The following KIAA1217 variants were observed in gnomAD, a reference collection of about 807,000 sequenced individuals.
KIAA1217 encodes the protein sickle tail protein homolog.
A neutral mutation model predicts 163.9 loss-of-function variants in KIAA1217; 88 were observed. The observed-to-expected ratio is 0.54, with a 90% CI of 0.45 to 0.64. The LOEUF is 0.64. KIAA1217 is among the 30% of genes least tolerant of loss of function. The pLI is 0.00. For missense variants in KIAA1217, 2,372 were observed against 2,475.0 expected, an observed-to-expected ratio of 0.96 and a Z score of 0.88; for synonymous variants, 903 against 923.1, an observed-to-expected ratio of 0.98 and a Z score of 0.39.
At chr10:24,252,361 T>C (rs2074651982) in intron 2 of KIAA1217, among the ~76,000 whole-genome samples, 1 of 152,118 alleles carries the variant, frequency 6.6e-6, no homozygotes, top group African/African-American at 2.4e-5. Flanking sequence ...GAGGATTGTT[T>C]GAGCCCAGGA....
At chr10:23,818,775 G>T (rs1289288475) in intron 1 of KIAA1217, among the ~76,000 whole-genome samples, 1 of 152,152 alleles carries the variant, frequency 6.6e-6, no homozygotes. Context: ...GGGGGAAAGG[G>T]TCAGCCACAC....
chr10:24,262,579 A>T (rs1329634282), intron 2 of KIAA1217, among the ~76,000 whole-genome samples: 1 of 151,786 alleles, frequency 6.6e-6, no homozygotes. Flanking sequence ...GTGAGCCCAG[A>T]TCACACAACT....
chr10:23,841,701 G>C (rs141076475), intron 1 of KIAA1217, among the ~76,000 whole-genome samples: 1,979 of 151,902 alleles, frequency 0.013, 61 homozygotes, highest in African/African-American at 0.045. Context: ...AAACAGAAAA[G>C]CAGCTTAAAT....
Position 23,788,115 on chromosome 10 carries a change from T to C in KIAA1217, c.-321+92881T>C, listed in dbSNP as rs145922752. Reference sequence around the variant, plus strand: ...TGGAAGGCTGAGTTGGGAGAACTGCTTGAGCCTGGGAGTTTGAGGCTGCAG... The same window carrying C: ...TGGAAGGCTGAGTTGGGAGAACTGCCTGAGCCTGGGAGTTTGAGGCTGCAG... On this transcript the variant is annotated intron_variant, in intron 1 of 18. Transcript: ENST00000376462. Among the ~76,000 whole-genome samples, 1,084 of 152,254 alleles carry C rather than the reference T, an allele frequency of 7.1e-3. 18 individuals carry two copies. The highest frequency in any genetic ancestry group is 0.024 in the African/African-American group (993 of 41,538).
At chr10:23,822,758 A>G (rs1837682730) in intron 1 of KIAA1217, among the ~76,000 whole-genome samples, 1 of 152,198 alleles carries the variant, frequency 6.6e-6, no homozygotes, top group Admixed American at 6.5e-5. Flanking sequence ...TTTAGCACAG[A>G]GTTTTTCCCA....
At chr10:24,200,826 G>A (rs555165581) in intron 2 of KIAA1217, among the ~76,000 whole-genome samples, 1 of 152,216 alleles carries the variant, frequency 6.6e-6, no homozygotes, top group African/African-American at 2.4e-5. Flanking sequence ...TTCTCAGAAG[G>A]GGCCTGTGAG....
At chr10:24,429,024 G>A (rs2131701298) in intron 3 of KIAA1217, among the ~76,000 whole-genome samples, 1 of 152,302 alleles carries the variant, frequency 6.6e-6, no homozygotes, top group South Asian at 2.1e-4. Context: ...TATGGAGAAT[G>A]GCTACTAAAA....
chr10:24,089,474 A>C (rs1349858374), intron 2 of KIAA1217, among the ~76,000 whole-genome samples: 2 of 125,492 alleles, frequency 1.6e-5, no homozygotes, highest in African/African-American at 5.0e-5. Flanking sequence ...ATTTTTGTAT[A>C]AGGTGTAAGG....
intron 3 of KIAA1217, among the ~76,000 whole-genome samples, chr10:24,405,970 C>G (rs1375439956): frequency 1.3e-5 from 2 of 152,206 alleles, no homozygotes; most frequent in African/African-American, 4.8e-5. Flanking sequence ...GAAATCATCT[C>G]CAAACTATGG....
At position 24,177,666 on chromosome 10, in the gene KIAA1217, A is replaced by G. The variant is rs375849820; in HGVS notation, c.-170-41960A>G. 3.0e-3 allele frequency among the ~76,000 whole-genome samples: 461 copies of G among 152,014 alleles called. 2 individuals are homozygous for G. Among genetic ancestry groups the G allele is most frequent in the African/African-American group, 0.011 (436 of 41,464 alleles). ...GACAGTTTAAAAATCTCAACTCAGAAAAAAAGTACACAAAATTCCAATCAA... is the reference window on the plus strand; with the variant it reads ...GACAGTTTAAAAATCTCAACTCAGAGAAAAAGTACACAAAATTCCAATCAA... On this transcript the variant is annotated intron_variant, in intron 2 of 18. Coordinates refer to the KIAA1217 transcript ENST00000376462.
At chr10:24,240,079 GT>G (rs888324635) in intron 2 of KIAA1217, among the ~76,000 whole-genome samples, 20 of 151,960 alleles carry the variant, frequency 1.3e-4, no homozygotes, top group African/African-American at 4.1e-4. Flanking sequence ...GAGTATGAGG[GT>G]TTTTTTTGTT....
At chr10:23,823,328 G>A (rs1291422158) in intron 1 of KIAA1217, among the ~76,000 whole-genome samples, 5 of 152,252 alleles carry the variant, frequency 3.3e-5, no homozygotes, top group Non-Finnish European at 5.9e-5. Context: ...GGCTCCCTCT[G>A]ATCCTTGCCC....
At chr10:23,767,910 C>A (rs1316599369) in intron 1 of KIAA1217, among the ~76,000 whole-genome samples, 1 of 152,142 alleles carries the variant, frequency 6.6e-6, no homozygotes, top group Non-Finnish European at 1.5e-5. Context: ...TCTCCTTTCC[C>A]CCTCAATTTG....
chr10:24,545,322 A>G (rs2075613806), intron 20 of KIAA1217: 9 of 1,402,298 alleles, frequency 6.4e-6, no homozygotes, highest in South Asian at 5.0e-5. Flanking sequence ...TGTGACTCCA[A>G]ACTCCAAATT....
chr10:24,033,473 C>T (rs1201225035), intron 2 of KIAA1217, among the ~76,000 whole-genome samples: 1 of 152,220 alleles, frequency 6.6e-6, no homozygotes, highest in East Asian at 1.9e-4. Flanking sequence ...GACCTTGCTC[C>T]TGTTCCCACT....
intron 1 of KIAA1217, among the ~76,000 whole-genome samples, chr10:23,773,398 A>T (rs1834879298): frequency 6.6e-6 from 1 of 151,654 alleles, no homozygotes; most frequent in Non-Finnish European, 1.5e-5. Flanking sequence ...AGGTAGCGTG[A>T]TGCCTCCAGC....
intron 2 of KIAA1217, among the ~76,000 whole-genome samples, chr10:24,016,453 A>C (rs1847482548): frequency 2.0e-5 from 3 of 152,276 alleles, no homozygotes; most frequent in East Asian, 3.9e-4. Flanking sequence ...TCTACCCTGC[A>C]GCCTGTACTC....
In KIAA1217 at chr10:24,317,892, T is replaced by C. The variant is rs192278413; in HGVS notation, c.355-62977T>C. 2.7e-3 allele frequency among the ~76,000 whole-genome samples: 414 copies of C among 152,346 alleles called. 6 individuals carry two copies. Among genetic ancestry groups the C allele is most frequent in the Admixed American group, 0.025 (388 of 15,296 alleles). ...TCAAAAGAAAAGATGTATTTTTTCA[T>C]TTTTAGGTGATGGCTGGTTTTATGC... On this transcript the variant is annotated intron_variant, in intron 2 of 20. Coordinates refer to ENST00000376454, the MANE Select transcript of KIAA1217 (RefSeq NM_019590.5).
At chr10:24,365,157 C>T (rs916751250) in intron 2 of KIAA1217, among the ~76,000 whole-genome samples, 6 of 152,232 alleles carry the variant, frequency 3.9e-5, no homozygotes, top group East Asian at 1.9e-4. Flanking sequence ...ATGGCTGTAG[C>T]GACTTTCCTT....
Sources: allele counts gnomAD v4.1 joint callset (sites outside exome capture counted in the v4.1 genomes callset), GRCh38; gene constraint gnomAD v4.1.1; transcripts MANE v1.5; gene names NCBI Gene and HGNC (gene_info 2026-07-23, HGNC 2026-07-21).